MAP3K5: variants seen among roughly 807,000 people sequenced by gnomAD.
MAP3K5 encodes ASK-1.
In MAP3K5, 56 loss-of-function variants were observed where a neutral mutation model predicts 158.7. The ratio of observed to expected loss-of-function variants is 0.35; its 90% CI spans 0.28 to 0.44. The LOEUF is 0.44. MAP3K5 is among the 20% of genes least tolerant of loss of function. MAP3K5 has a pLI of 1.00. For missense variants in MAP3K5, 1,294 were observed against 1,674.8 expected, an observed-to-expected ratio of 0.77 and a Z score of 3.97; for synonymous variants, 579 against 601.7, an observed-to-expected ratio of 0.96 and a Z score of 0.55.
At chr6:136,665,030 T>C (rs537534120) in intron 8 of MAP3K5, among the ~76,000 whole-genome samples, 22 of 152,338 alleles carry the variant, frequency 1.4e-4, no homozygotes, top group Admixed American at 5.2e-4. Context: ...ACCCTATTAT[T>C]AGTGATACAA....
At chr6:136,675,940 T>C (rs966812928) in intron 7 of MAP3K5, among the ~76,000 whole-genome samples, 3 of 152,152 alleles carry the variant, frequency 2.0e-5, no homozygotes, top group African/African-American at 4.8e-5. Flanking sequence ...GTACAGATGA[T>C]AGAGCATTAA....
intron 23 of MAP3K5, among the ~76,000 whole-genome samples, chr6:136,590,968 A>T (rs1338722171): frequency 6.6e-6 from 1 of 152,126 alleles, no homozygotes; most frequent in Non-Finnish European, 1.5e-5. Context: ...CATGGGAGGG[A>T]CCAAGTGGGA....
intron 1 of MAP3K5, among the ~76,000 whole-genome samples, chr6:136,772,246 G>T (rs1784236573): frequency 6.6e-6 from 1 of 151,728 alleles, no homozygotes; most frequent in Non-Finnish European, 1.5e-5. Flanking sequence ...GAGGGGGGGG[G>T]AGACCTTAGT....
At chr6:136,753,738 A>G (rs1448782030) in intron 1 of MAP3K5, among the ~76,000 whole-genome samples, 1 of 152,214 alleles carries the variant, frequency 6.6e-6, no homozygotes, top group African/African-American at 2.4e-5. Flanking sequence ...GACCTCAGGT[A>G]GCTTATCATC....
chr6:136,739,610 T>C (rs1404807665), intron 1 of MAP3K5, among the ~76,000 whole-genome samples: 1 of 152,162 alleles, frequency 6.6e-6, no homozygotes, highest in Non-Finnish European at 1.5e-5. Context: ...TTTAGTGCCT[T>C]AAAAAAGTCT....
intron 1 of MAP3K5, among the ~76,000 whole-genome samples, chr6:136,771,527 A>C (rs1784199008): frequency 6.6e-6 from 1 of 152,132 alleles, no homozygotes; most frequent in African/African-American, 2.4e-5. Flanking sequence ...AAAAGTTACT[A>C]CCCTTTCCTG....
intron 1 of MAP3K5, among the ~76,000 whole-genome samples, chr6:136,781,169 G>C (rs1784598867): frequency 1.3e-5 from 2 of 152,190 alleles, no homozygotes; most frequent in African/African-American, 2.4e-5. Flanking sequence ...GATCATTCTA[G>C]AGAAAGGCTA....
At chr6:136,632,466 G>A (rs1205302301) in intron 14 of MAP3K5, among the ~76,000 whole-genome samples, 6 of 152,146 alleles carry the variant, frequency 3.9e-5, no homozygotes, top group Non-Finnish European at 8.8e-5. Context: ...GCAGTGAGCC[G>A]AGATTGCGCC....
chr6:136,782,077 AT>A (rs1784637950), intron 1 of MAP3K5, among the ~76,000 whole-genome samples: 1 of 151,276 alleles, frequency 6.6e-6, no homozygotes, highest in Non-Finnish European at 1.5e-5. Flanking sequence ...AAAAAAGGGT[AT>A]TTGACATGTA....
chr6:136,637,660 G>GTTTTTTTT (rs35303108), intron 13 of MAP3K5, among the ~76,000 whole-genome samples: 1 of 149,050 alleles, frequency 6.7e-6, no homozygotes. Flanking sequence ...TTCTTGTAAA[G>GTTTTTTTT]TTTTTTTTTT....
At chr6:136,718,208 C>CT (rs913063992) in intron 2 of MAP3K5, among the ~76,000 whole-genome samples, 4 of 152,028 alleles carry the variant, frequency 2.6e-5, no homozygotes, top group African/African-American at 9.6e-5. Flanking sequence ...TATTATTATT[C>CT]TTTGTTTTGT....
intron 23 of MAP3K5, among the ~76,000 whole-genome samples, chr6:136,586,287 G>A (rs1272094454): frequency 1.3e-5 from 2 of 152,194 alleles, no homozygotes; most frequent in African/African-American, 4.8e-5. Flanking sequence ...GCTTCTCTTA[G>A]TAAAAACTCA....
intron 23 of MAP3K5, among the ~76,000 whole-genome samples, chr6:136,585,874 T>C (rs1775117781): frequency 6.6e-6 from 1 of 152,114 alleles, no homozygotes; most frequent in Admixed American, 6.6e-5. Context: ...TTTAAGAAAA[T>C]ATAAGAAACT....
At chr6:136,617,575 C>T (rs1180947408) in intron 15 of MAP3K5, among the ~76,000 whole-genome samples, 1 of 152,098 alleles carries the variant, frequency 6.6e-6, no homozygotes, top group African/African-American at 2.4e-5. Flanking sequence ...AGAGCTTGAG[C>T]ATCAGTATTT....
intron 1 of MAP3K5, among the ~76,000 whole-genome samples, chr6:136,782,715 G>A (rs1784669274): frequency 6.6e-6 from 1 of 152,184 alleles, no homozygotes; most frequent in African/African-American, 2.4e-5. Flanking sequence ...GCTCTACTAT[G>A]ATTTTATTAA....
At chr6:136,569,645 C>A (rs1562512514) in intron 25 of MAP3K5, among the ~76,000 whole-genome samples, 2 of 152,192 alleles carry the variant, frequency 1.3e-5, no homozygotes, top group African/African-American at 4.8e-5. Context: ...TTGCCTGTAA[C>A]TTCTGTCTCC....
chr6:136,684,160 G>A (rs1247310526), intron 7 of MAP3K5, among the ~76,000 whole-genome samples: 2 of 151,992 alleles, frequency 1.3e-5, no homozygotes, highest in African/African-American at 2.4e-5. Flanking sequence ...GAGCCCAGGA[G>A]TTCAGGGCTG....
intron 23 of MAP3K5, 21 bp from the exon 24 acceptor site, chr6:136,583,761 T>C: frequency 6.2e-7 from 1 of 1,608,434 alleles, no homozygotes; most frequent in Non-Finnish European, 8.5e-7. Flanking sequence ...AAATCAACAA[T>C]CCTTACATCA....
chr6:136,684,042 G>C (rs749967431), intron 7 of MAP3K5, among the ~76,000 whole-genome samples: 15 of 151,812 alleles, frequency 9.9e-5, no homozygotes, highest in Non-Finnish European at 2.1e-4. Context: ...GACTAGCCTG[G>C]GCCACATAGC....
Sources: allele counts gnomAD v4.1 joint callset (sites outside exome capture counted in the v4.1 genomes callset), GRCh38; gene constraint gnomAD v4.1.1; transcripts MANE v1.5; gene names NCBI Gene and HGNC (gene_info 2026-07-23, HGNC 2026-07-21).